EYA2: variants seen among roughly 807,000 people sequenced by gnomAD.
EYA2 encodes protein phosphatase EYA2.
EYA2 carries 31 observed loss-of-function variants against 69.2 expected under a neutral mutation model. The observed-to-expected ratio is 0.45, with a 90% CI of 0.34 to 0.60. The LOEUF (loss-of-function observed/expected upper bound fraction) is 0.60. Ranked by LOEUF, EYA2 falls within the 20% of genes least tolerant of loss-of-function variation. The pLI, the probability that EYA2 is intolerant of heterozygous loss-of-function variation, is 0.02. For synonymous variants in EYA2, 257 were observed against 279.4 expected (o/e 0.92, Z 0.80); for missense variants, 622 against 701.2 (o/e 0.89, Z 1.28).
At chr20:47,175,965 A>G (rs1345716855) in intron 12 of EYA2, among the ~76,000 whole-genome samples, 1 of 152,218 alleles carries the variant, frequency 6.6e-6, no homozygotes, top group Non-Finnish European at 1.5e-5. Context: ...TCAAAGGCCT[A>G]GGTTGTGGAT....
At chr20:46,935,715 A>C (rs1276429612) in intron 1 of EYA2, among the ~76,000 whole-genome samples, 1 of 152,180 alleles carries the variant, frequency 6.6e-6, no homozygotes, top group Non-Finnish European at 1.5e-5. Context: ...GTAAGTCCTG[A>C]GGAGAGTTCC....
chr20:47,151,386 T>C (rs1050737880), intron 10 of EYA2, among the ~76,000 whole-genome samples: 1 of 151,666 alleles, frequency 6.6e-6, no homozygotes, highest in African/African-American at 2.4e-5. Context: ...AAAAAAGCTC[T>C]TCAGTGAGCT....
intron 1 of EYA2, among the ~76,000 whole-genome samples, chr20:46,923,919 CTTT>C (rs967466844): frequency 6.6e-6 from 1 of 152,244 alleles, no homozygotes; most frequent in South Asian, 2.1e-4. Context: ...ACTTTCAGCT[CTTT>C]TAATTAAGCC....
intron 5 of EYA2, among the ~76,000 whole-genome samples, chr20:47,051,243 C>T (rs771890214): frequency 9.9e-5 from 15 of 152,260 alleles, no homozygotes; most frequent in Non-Finnish European, 2.1e-4. Flanking sequence ...ACGTGGCTGG[C>T]ATCGCAGAAC....
intron 10 of EYA2, among the ~76,000 whole-genome samples, chr20:47,156,620 A>G (rs2033957883): frequency 6.6e-6 from 1 of 151,862 alleles, no homozygotes; most frequent in Admixed American, 6.5e-5. Context: ...ATAATATGTC[A>G]CTGTGTTAAC....
rs73303610 is a variant in EYA2 at position 46,906,812 on chromosome 20, C to T, written c.-11+11825C>T. 5.1e-3 allele frequency among the ~76,000 whole-genome samples: 772 copies of T among 152,180 alleles called. 12 individuals are homozygous for T. Among genetic ancestry groups the T allele is most frequent in the African/African-American group, 0.018 (734 of 41,518 alleles). On this transcript the variant is annotated intron_variant, in intron 1 of 15. Transcript: ENST00000327619. ...CCCCTGACTTCCCTGATTCTTTAACCACCATAAAAAATTAAACTCTTTGAC... is the reference window on the plus strand; with the variant it reads ...CCCCTGACTTCCCTGATTCTTTAACTACCATAAAAAATTAAACTCTTTGAC...
chr20:46,979,377 T>C (rs1600602802), intron 1 of EYA2: 1 of 152,014 alleles, frequency 6.6e-6, no homozygotes, highest in Non-Finnish European at 1.5e-5. Context: ...AGAGGGAGGG[T>C]GTTCCTGAAT....
At chr20:47,118,102 AAAAT>A (rs1404234149) in intron 9 of EYA2, among the ~76,000 whole-genome samples, 1 of 152,272 alleles carries the variant, frequency 6.6e-6, no homozygotes, top group Non-Finnish European at 1.5e-5. Context: ...ATAGATTCTC[AAAAT>A]AAATACTGCC....
At chr20:47,106,875 C>T (rs2032596818) in intron 9 of EYA2, among the ~76,000 whole-genome samples, 2 of 152,080 alleles carry the variant, frequency 1.3e-5, no homozygotes, top group Admixed American at 6.5e-5. Context: ...ACTGAGGGAG[C>T]AGAGAGTAAC....
At chr20:47,042,035 A>C (rs887067500) in intron 5 of EYA2, among the ~76,000 whole-genome samples, 2 of 152,204 alleles carry the variant, frequency 1.3e-5, no homozygotes, top group African/African-American at 4.8e-5. Context: ...CTAAAAGTTA[A>C]ATTATAGCCA....
At chr20:47,082,577 G>C (rs1468749862) in intron 7 of EYA2, among the ~76,000 whole-genome samples, 1 of 152,164 alleles carries the variant, frequency 6.6e-6, no homozygotes, top group Non-Finnish European at 1.5e-5. Context: ...GTTAAAGAAG[G>C]CATTAATAAA....
At chr20:47,012,713 C>T (rs1337360680) in intron 4 of EYA2, among the ~76,000 whole-genome samples, 1 of 152,136 alleles carries the variant, frequency 6.6e-6, no homozygotes, top group African/African-American at 2.4e-5. Flanking sequence ...AGGCTGATCT[C>T]GAACTCCTGA....
chr20:47,163,553 C>T (rs1423769700), intron 10 of EYA2, among the ~76,000 whole-genome samples: 2 of 151,828 alleles, frequency 1.3e-5, no homozygotes, highest in East Asian at 3.9e-4. Context: ...ACAAAATTAG[C>T]TGGGCGTGGT....
chr20:46,921,572 A>G (rs562182573), intron 1 of EYA2, among the ~76,000 whole-genome samples: 1 of 152,334 alleles, frequency 6.6e-6, no homozygotes, highest in Non-Finnish European at 1.5e-5. Flanking sequence ...GTTCAGGCAC[A>G]GGAACTGGAC....
At chr20:46,965,052 G>A (rs1979691257) in intron 1 of EYA2, among the ~76,000 whole-genome samples, 1 of 152,210 alleles carries the variant, frequency 6.6e-6, no homozygotes, top group East Asian at 1.9e-4. Flanking sequence ...CTTGTGAACA[G>A]ACGGTGGAAC....
intron 5 of EYA2, among the ~76,000 whole-genome samples, chr20:47,034,663 C>T (rs572840685): frequency 1.3e-5 from 2 of 152,312 alleles, no homozygotes; most frequent in East Asian, 3.9e-4. Context: ...AGTAAGTCAA[C>T]AGAATTGCCT....
At chr20:47,151,529 C>T (rs1171651633) in intron 10 of EYA2, among the ~76,000 whole-genome samples, 1 of 151,894 alleles carries the variant, frequency 6.6e-6, no homozygotes, top group Non-Finnish European at 1.5e-5. Flanking sequence ...TAAGATTCTG[C>T]CCACGCCATG....
chr20:47,092,267 G>C (rs568491536), intron 8 of EYA2, among the ~76,000 whole-genome samples: 2 of 152,142 alleles, frequency 1.3e-5, no homozygotes, highest in Non-Finnish European at 2.9e-5. Flanking sequence ...ATCCATGCTA[G>C]AGACCTGGTG....
chr20:47,180,957 G>C, intron 14 of EYA2, 21 bp downstream of exon 14: 1 of 1,611,842 alleles, frequency 6.2e-7, no homozygotes. Context: ...GCCACACCTC[G>C]GCGGGGATAC....
Sources: gnomAD v4.1 joint callset for allele counts (sites outside exome capture counted in the v4.1 genomes callset) on GRCh38, gnomAD v4.1.1 for gene constraint, MANE v1.5 for transcripts, NCBI Gene and HGNC (gene_info 2026-07-23, HGNC 2026-07-21) for gene names.